Variants in RYR2 observed in about 807,000 individuals in gnomAD.
The protein encoded by RYR2 is ryanodine receptor 2.
In RYR2, 227 loss-of-function variants were observed where a neutral mutation model predicts 601.1. The ratio of observed to expected loss-of-function variants is 0.38; its 90% CI spans 0.34 to 0.42. The LOEUF is 0.42. Among genes scored for constraint, RYR2 ranks in the 10% least tolerant of loss-of-function variants. The probability of loss-of-function intolerance (pLI) is 1.00; values close to 1 mark genes in which losing one functional copy is unlikely to be tolerated. For missense variants in RYR2, 4,646 were observed against 6,156.5 expected, an observed-to-expected ratio of 0.75 and a Z score of 8.21; for synonymous variants, 2,223 against 2,175.1, an observed-to-expected ratio of 1.02 and a Z score of -0.61.
In RYR2 at chr1:237,644,461, T is replaced by C. The variant is rs1050717171; in HGVS notation, c.7342+1014T>C. Among the ~76,000 whole-genome samples, 39 of 151,790 alleles carry C rather than the reference T, an allele frequency of 2.6e-4. 1 individual carries two copies. Among genetic ancestry groups the C allele is most frequent in the Admixed American group, 9.2e-4 (14 of 15,248 alleles). ...GTTAGCCAGGATGGTCTCGACCTCC[T>C]GACCTCACGATCCGCCTGCCTCAGC... is the stretch of plus-strand genomic sequence containing the variant. On this transcript the variant is annotated intron_variant, in intron 48 of 104. Coordinates refer to ENST00000366574, the MANE Select transcript of RYR2 (RefSeq NM_001035.3).
At chr1:237,503,618 A>G in intron 22 of RYR2, 113 bp downstream of exon 22, 1 of 947,278 alleles carries the variant, frequency 1.1e-6, no homozygotes, top group Non-Finnish European at 1.6e-6. Context: ...ATACAGTTGT[A>G]CAGTTGACAT....
chr1:237,808,995 A>G lies in RYR2; in HGVS notation c.14393A>G (p.Asp4798Gly). The stretch of plus-strand genomic sequence containing the variant: ...CGAAAATTCTACAATAAAAGTGAAG[A>G]TGGTGATACACCAGATATGAAATGT... ...FFRKFYNKSE[D>G]GDTPDMKCDD... is the part of the protein sequence containing the mutation. Residue 4798 changes from aspartate (D) to glycine (G), a missense_variant, in exon 100 of 105, where the codon GAT becomes GGT. By Grantham distance (94) the Asp-to-Gly change is moderately conservative (BLOSUM62 -1). Around this residue, in one of 17 missense-constraint regions of RYR2, gnomAD observed 21 missense variants for 24.8 expected, o/e 0.85. Coordinates refer to ENST00000366574, the MANE Select transcript of RYR2 (RefSeq NM_001035.3). The G allele has an allele frequency of 1.9e-6, 3 of 1,613,470 alleles. No individual in the cohort carries two copies. Among genetic ancestry groups the G allele is most frequent in the Non-Finnish European group, 2.5e-6 (3 of 1,179,376 alleles).
chr1:237,205,192 C>T (rs2149064956), intron 1 of RYR2, among the ~76,000 whole-genome samples: 1 of 152,350 alleles, frequency 6.6e-6, no homozygotes, highest in South Asian at 2.1e-4. Context: ...CCCTCTCCCC[C>T]AAGCCTAGCA....
intron 102 of RYR2, among the ~76,000 whole-genome samples, chr1:237,828,694 C>G (rs1444887676): frequency 6.6e-6 from 1 of 152,192 alleles, no homozygotes. Context: ...AGTGGAGAGA[C>G]TATTCATTCG....
At chr1:237,535,000 G>T (rs1343432213) in intron 25 of RYR2, among the ~76,000 whole-genome samples, 2 of 150,800 alleles carry the variant, frequency 1.3e-5, no homozygotes, top group African/African-American at 2.4e-5. Flanking sequence ...CAAATCTCTT[G>T]GCAAGTTCAA....
At chr1:237,758,417 C>T (rs1374081099) in intron 82 of RYR2, among the ~76,000 whole-genome samples, 5 of 152,066 alleles carry the variant, frequency 3.3e-5, no homozygotes, top group Non-Finnish European at 7.4e-5. Context: ...ATGATTGTTT[C>T]ATTTTTTATT....
intron 12 of RYR2, among the ~76,000 whole-genome samples, chr1:237,437,666 C>T (rs887743700): frequency 1.3e-5 from 2 of 152,190 alleles, no homozygotes; most frequent in African/African-American, 4.8e-5. Context: ...GAAAGTACAA[C>T]ATGCTATGAG....
At chr1:237,642,452 A>G (rs1216341205) in intron 47 of RYR2, among the ~76,000 whole-genome samples, 4 of 152,228 alleles carry the variant, frequency 2.6e-5, no homozygotes, top group African/African-American at 9.6e-5. Flanking sequence ...CTTGCTCACA[A>G]TATTTGTTAT....
At chr1:237,523,200 A>G (rs1185163675) in intron 24 of RYR2, among the ~76,000 whole-genome samples, 2 of 152,202 alleles carry the variant, frequency 1.3e-5, no homozygotes, top group African/African-American at 4.8e-5. Flanking sequence ...AACATGACCT[A>G]TTAAAGAAAA....
chr1:237,159,608 A>T (rs1407744910), intron 1 of RYR2, among the ~76,000 whole-genome samples: 2 of 152,108 alleles, frequency 1.3e-5, no homozygotes. Context: ...AGGCAGGAGG[A>T]TTGCTTGAGC....
At chr1:237,666,894 A>G (rs1285996135) in intron 57 of RYR2, among the ~76,000 whole-genome samples, 1 of 151,914 alleles carries the variant, frequency 6.6e-6, no homozygotes, top group South Asian at 2.1e-4. Context: ...TGAGTGACAG[A>G]GTGAGACTCC....
intron 1 of RYR2, among the ~76,000 whole-genome samples, chr1:237,264,142 T>C (rs1688806046): frequency 6.6e-6 from 1 of 151,422 alleles, no homozygotes; most frequent in Non-Finnish European, 1.5e-5. Flanking sequence ...GGCTTTCCCA[T>C]AATTCACCCC....
At position 237,788,116 on chromosome 1, in the gene RYR2, C is replaced by G. The variant is rs779309213; in HGVS notation, c.13457C>G (p.Ala4486Gly). The G allele has an allele frequency of 1.3e-5, 21 of 1,610,640 alleles. No individual in the cohort carries two copies. The highest frequency in any genetic ancestry group is 1.8e-5 in the Non-Finnish European group (21 of 1,178,204). Residue 4486 changes from alanine to glycine, a missense_variant, in exon 92 of 105, where the codon GCA (alanine) becomes GGA (glycine). Physicochemically the swap from Ala to Gly is moderately conservative, Grantham distance 60. This residue lies in a region of RYR2 where 364 missense variants were observed against 442.9 expected (regional missense o/e 0.82). Coordinates refer to ENST00000366574, the MANE Select transcript of RYR2 (RefSeq NM_001035.3). The stretch of plus-strand genomic sequence containing the variant: ...TCAGCATTCTGGAAGAAAATCATAG[C>G]ATATCAACAGAAACTTCTAGTAAGA... ...PESAFWKKIIAYQQKLLNYFA... is the reference protein window; with the variant it reads ...PESAFWKKIIGYQQKLLNYFA...
intron 23 of RYR2, 52 bp from the exon 24 acceptor site, chr1:237,511,636 C>T: frequency 7.4e-7 from 1 of 1,345,932 alleles, no homozygotes; most frequent in Non-Finnish European, 1.0e-6. Flanking sequence ...AATTCCATTG[C>T]TAGTGCCTGG....
chr1:237,748,161 C>T (rs548811819), intron 80 of RYR2, among the ~76,000 whole-genome samples: 5 of 152,018 alleles, frequency 3.3e-5, no homozygotes, highest in South Asian at 2.1e-4. Flanking sequence ...AATAGAGAAA[C>T]GATATGGGGA....
At chr1:237,769,756 T>A (rs77059020) in intron 84 of RYR2, among the ~76,000 whole-genome samples, 5 of 151,028 alleles carry the variant, frequency 3.3e-5, no homozygotes, top group East Asian at 1.9e-4. Context: ...TTTTTTTTTT[T>A]AATATGTAAG....
intron 10 of RYR2, among the ~76,000 whole-genome samples, chr1:237,413,484 A>G (rs1374200355): frequency 1.3e-5 from 2 of 152,202 alleles, no homozygotes; most frequent in African/African-American, 4.8e-5. Context: ...TATTGTATAA[A>G]TCCATATAAC....
intron 1 of RYR2, among the ~76,000 whole-genome samples, chr1:237,065,745 A>G (rs566335120): frequency 3.3e-5 from 5 of 152,268 alleles, no homozygotes; most frequent in Non-Finnish European, 7.4e-5. Flanking sequence ...AGACTGGGTA[A>G]TTTGTAAAGA....
chr1:237,335,717 T>G (rs930631173), intron 3 of RYR2, among the ~76,000 whole-genome samples: 3 of 152,198 alleles, frequency 2.0e-5, no homozygotes, highest in Non-Finnish European at 4.4e-5. Flanking sequence ...TTAAAATTAA[T>G]CATTCTTTGC....
Sources: gnomAD v4.1 joint callset for allele counts (sites outside exome capture counted in the v4.1 genomes callset) on GRCh38, gnomAD v4.1.1 for gene constraint, gnomAD v4.1.1 regional missense constraint, MANE v1.5 for transcripts, NCBI Gene and HGNC (gene_info 2026-07-23, HGNC 2026-07-21) for gene names.